Variants in NEGR1 observed in about 807,000 individuals in gnomAD.
NEGR1 encodes IgLON family member 4.
Under a neutral mutation model 40.9 loss-of-function variants are expected in NEGR1, and 10 were observed. The ratio of observed to expected loss-of-function variants is 0.24; its 90% CI spans 0.15 to 0.42. The LOEUF (loss-of-function observed/expected upper bound fraction) is 0.42, where lower values mean the gene tolerates loss of function less well. NEGR1 is among the 10% of genes least tolerant of loss of function. The pLI, the probability that NEGR1 is intolerant of heterozygous loss-of-function variation, is 1.00. For synonymous variants in NEGR1, 185 were observed against 166.8 expected (o/e 1.11, Z -0.84); for missense variants, 352 against 438.9 (o/e 0.80, Z 1.77).
At chr1:72,110,706 A>G (rs972741646) in intron 1 of NEGR1, among the ~76,000 whole-genome samples, 1 of 151,626 alleles carries the variant, frequency 6.6e-6, no homozygotes, top group Admixed American at 6.6e-5. Context: ...CCTCTGAACG[A>G]ACATACTTAG....
chr1:71,826,334 T>C (rs989044452), intron 2 of NEGR1, among the ~76,000 whole-genome samples: 14 of 151,920 alleles, frequency 9.2e-5, no homozygotes, highest in Non-Finnish European at 1.6e-4. Context: ...CACAATAAAG[T>C]TTACTTTTCT....
At chr1:71,909,355 G>A (rs527594909) in intron 2 of NEGR1, among the ~76,000 whole-genome samples, 1 of 152,212 alleles carries the variant, frequency 6.6e-6, no homozygotes, top group East Asian at 1.9e-4. Context: ...GCATGATTCT[G>A]AAAATTCTAT....
chr1:72,149,255 C>G (rs12028372), intron 1 of NEGR1, among the ~76,000 whole-genome samples: 1 of 152,050 alleles, frequency 6.6e-6, no homozygotes, highest in Non-Finnish European at 1.5e-5. Context: ...TTCACTATCA[C>G]GAGAATAGTA....
chr1:71,959,877 CGTT>C (rs1307438554), intron 1 of NEGR1, among the ~76,000 whole-genome samples: 1 of 151,806 alleles, frequency 6.6e-6, no homozygotes, highest in Non-Finnish European at 1.5e-5. Flanking sequence ...CCACAGACAA[CGTT>C]GTTAAATAAA....
chr1:72,106,266 T>G (rs1166238597), intron 1 of NEGR1, among the ~76,000 whole-genome samples: 1 of 152,078 alleles, frequency 6.6e-6, no homozygotes, highest in Non-Finnish European at 1.5e-5. Flanking sequence ...TTTGAAGTCT[T>G]ACAGTTAATT....
intron 1 of NEGR1, among the ~76,000 whole-genome samples, chr1:72,180,655 C>T (rs1027781699): frequency 1.6e-4 from 25 of 151,900 alleles, no homozygotes; most frequent in Admixed American, 5.3e-4. Context: ...GCAAATTTCC[C>T]GAACAGACAT....
intron 1 of NEGR1, among the ~76,000 whole-genome samples, chr1:72,268,524 T>C (rs1036965508): frequency 2.6e-5 from 4 of 151,436 alleles, no homozygotes; most frequent in Non-Finnish European, 5.9e-5. Context: ...CATCATTGGA[T>C]CTTAAACTCA....
At chr1:71,953,276 T>A (rs920298836) in intron 1 of NEGR1, among the ~76,000 whole-genome samples, 1 of 151,992 alleles carries the variant, frequency 6.6e-6, no homozygotes, top group Non-Finnish European at 1.5e-5. Flanking sequence ...ATATTCGTAA[T>A]TCATGAGAAG....
At chr1:72,035,049 C>A (rs1646890426) in intron 1 of NEGR1, among the ~76,000 whole-genome samples, 1 of 152,026 alleles carries the variant, frequency 6.6e-6, no homozygotes, top group Non-Finnish European at 1.5e-5. Context: ...CTGGTAGAGG[C>A]CACATTTGCA....
chr1:72,147,107 T>C lies in NEGR1; in HGVS notation c.176+135212A>G, dbSNP rs140022336. 5.1e-3 allele frequency among the ~76,000 whole-genome samples: 779 copies of C among 152,346 alleles called. 2 individuals are homozygous for C. The highest frequency in any genetic ancestry group is 0.01 in the Middle Eastern group (3 of 294). ...ACATATGTGCGTCTTTGTGTTTGTA[T>C]GTATCGGGCATAAGTCATATAAGGC... On this transcript the variant is annotated intron_variant, in intron 1 of 6. Coordinates refer to ENST00000357731, the MANE Select transcript of NEGR1 (RefSeq NM_173808.3).
chr1:71,890,087 C>A (rs1282381067), intron 2 of NEGR1, among the ~76,000 whole-genome samples: 14 of 130,916 alleles, frequency 1.1e-4, no homozygotes, highest in African/African-American at 2.4e-4. Flanking sequence ...TGGAAAGGAA[C>A]AACCGGTACC....
rs188390182 is a variant in NEGR1, at chr1:71,481,956, G to T, written c.941-74386C>A. Among the ~76,000 whole-genome samples the T allele has an allele frequency of 4.9e-3, 748 of 151,450 alleles. 6 individuals carry two copies. The highest frequency in any genetic ancestry group is 0.016 in the African/African-American group (678 of 41,316). On this transcript the variant is annotated intron_variant, in intron 6 of 6. Transcript: ENST00000357731. ...TTTTTCTCACTTTCTCTGTACTTTA[G>T]TTTTTGGAAACTAGCCTAATTCTAA...
chr1:71,978,607 G>A (rs1257559786), intron 1 of NEGR1, among the ~76,000 whole-genome samples: 1 of 152,102 alleles, frequency 6.6e-6, no homozygotes, highest in African/African-American at 2.4e-5. Flanking sequence ...ATGAAAAAAA[G>A]TTCAATATCA....
chr1:71,455,143 A>T (rs1327629414), intron 6 of NEGR1, among the ~76,000 whole-genome samples: 1 of 152,206 alleles, frequency 6.6e-6, no homozygotes, highest in African/African-American at 2.4e-5. Flanking sequence ...GTCTCCAAGA[A>T]CCAGTTCTTG....
chr1:72,029,743 T>C (rs189524741), intron 1 of NEGR1, among the ~76,000 whole-genome samples: 36 of 152,242 alleles, frequency 2.4e-4, no homozygotes, highest in African/African-American at 8.4e-4. Flanking sequence ...TAAGGGTAAA[T>C]TATATTTCAA....
intron 1 of NEGR1, among the ~76,000 whole-genome samples, chr1:72,224,360 G>C (rs1405290820): frequency 1.3e-5 from 2 of 151,640 alleles, no homozygotes; most frequent in Admixed American, 6.6e-5. Context: ...GATGTGATGA[G>C]GGGAGATAGG....
chr1:71,420,978 A>C (rs1370715797), intron 6 of NEGR1, among the ~76,000 whole-genome samples: 1 of 152,068 alleles, frequency 6.6e-6, no homozygotes, highest in African/African-American at 2.4e-5. Flanking sequence ...TGCTGAAAGT[A>C]ATATAATTAA....
At chr1:71,599,175 A>G (rs917326124) in intron 5 of NEGR1, among the ~76,000 whole-genome samples, 2 of 152,240 alleles carry the variant, frequency 1.3e-5, no homozygotes, top group African/African-American at 4.8e-5. Context: ...ATTTATGTAC[A>G]TATATGCCAA....
chr1:72,038,506 T>C (rs191325300), intron 1 of NEGR1, among the ~76,000 whole-genome samples: 146 of 152,170 alleles, frequency 9.6e-4, no homozygotes, highest in African/African-American at 3.2e-3. Context: ...TCAGTGAGTA[T>C]GCAAGCTCAA....
Sources: gnomAD v4.1 joint callset for allele counts (sites outside exome capture counted in the v4.1 genomes callset) on GRCh38, gnomAD v4.1.1 for gene constraint, MANE v1.5 for transcripts, NCBI Gene and HGNC (gene_info 2026-07-23, HGNC 2026-07-21) for gene names.